Variants in BLTP1 observed in about 807,000 individuals in gnomAD.
BLTP1 encodes the protein bridge-like lipid transfer protein family member 1, also known as fragile site-associated protein.
At chr4:122,161,371 T>C in the BLTP1 span, among the ~76,000 whole-genome samples, 2 of 152,054 alleles carry the variant, frequency 1.3e-5, no homozygotes, top group African/African-American at 4.8e-5. Flanking sequence ...TGAGAAATAC[T>C]GTAATGAGAT....
chr4:122,164,190 G>A, the BLTP1 span, among the ~76,000 whole-genome samples: 1 of 152,174 alleles, frequency 6.6e-6, no homozygotes, highest in Non-Finnish European at 1.5e-5. Context: ...CAGATGACTA[G>A]GTTAGAATTT....
the BLTP1 span, among the ~76,000 whole-genome samples, chr4:122,257,688 A>G: frequency 2.0e-5 from 3 of 152,182 alleles, no homozygotes; most frequent in Non-Finnish European, 4.4e-5. Context: ...TAATATAAGC[A>G]ATTTTAGATA....
At chr4:122,288,957 C>A in the BLTP1 span, 1 of 1,098,278 alleles carries the variant, frequency 9.1e-7, no homozygotes, top group East Asian at 2.8e-5. Flanking sequence ...TTTAACTTTT[C>A]TTCAATATAT....
At chr4:122,331,594 A>T in the BLTP1 span, 1 of 1,546,218 alleles carries the variant, frequency 6.5e-7, no homozygotes, top group Non-Finnish European at 8.7e-7. Flanking sequence ...TAGAAATACT[A>T]TTCATATATC....
At chr4:122,314,375 A>G in the BLTP1 span, among the ~76,000 whole-genome samples, 1 of 152,200 alleles carries the variant, frequency 6.6e-6, no homozygotes, top group African/African-American at 2.4e-5. Flanking sequence ...GTTTCTGAAC[A>G]AGAAGGCAAA....
At chr4:122,325,240 G>A in the BLTP1 span, 3 of 1,604,112 alleles carry the variant, frequency 1.9e-6, no homozygotes, top group Non-Finnish European at 2.6e-6. Context: ...TTCTCGAGTA[G>A]GAGAAACTGA....
At chr4:122,190,037 C>G in the BLTP1 span, 1 of 1,613,006 alleles carries the variant, frequency 6.2e-7, no homozygotes, top group Admixed American at 1.7e-5. Context: ...TGTGGTGATG[C>G]AGTCAAATGA....
the BLTP1 span, chr4:122,305,101 G>T: frequency 7.8e-7 from 1 of 1,277,038 alleles, no homozygotes; most frequent in Admixed American, 3.4e-5. Context: ...ATTTCCTAAA[G>T]TTTCTGATTA....
chr4:122,355,244 T>C, the BLTP1 span, among the ~76,000 whole-genome samples: 90 of 152,224 alleles, frequency 5.9e-4, 1 homozygote, highest in South Asian at 1.5e-3. Flanking sequence ...TTCTAAGACC[T>C]ATAAAAGGTC....
At chr4:122,239,553 C>A in the BLTP1 span, 39 of 1,609,552 alleles carry the variant, frequency 2.4e-5, no homozygotes, top group African/African-American at 5.1e-4. Flanking sequence ...CCCTGTGTCT[C>A]CTAATACTCA....
At chr4:122,165,001 G>T in the BLTP1 span, among the ~76,000 whole-genome samples, 2 of 152,168 alleles carry the variant, frequency 1.3e-5, no homozygotes, top group East Asian at 3.9e-4. Flanking sequence ...AAATACAAAC[G>T]TATGCACTGT....
chr4:122,275,491 C>T, the BLTP1 span, among the ~76,000 whole-genome samples: 57 of 152,208 alleles, frequency 3.7e-4, no homozygotes, highest in Non-Finnish European at 5.3e-4. Flanking sequence ...ACCATGGGTA[C>T]GTTACCTTCA....
the BLTP1 span, chr4:122,207,588 C>T: frequency 6.2e-7 from 1 of 1,601,248 alleles, no homozygotes; most frequent in Non-Finnish European, 8.5e-7. Flanking sequence ...TTTTTCTTTG[C>T]CTTTTACGGA....
chr4:122,212,899 A>C, the BLTP1 span, among the ~76,000 whole-genome samples: 1 of 78,604 alleles, frequency 1.3e-5, no homozygotes, highest in Admixed American at 1.8e-4. Flanking sequence ...CTATTAAAGC[A>C]AATTGTAAAA....
the BLTP1 span, among the ~76,000 whole-genome samples, chr4:122,360,598 C>A: frequency 1.1e-4 from 17 of 152,164 alleles, no homozygotes; most frequent in South Asian, 3.5e-3. Flanking sequence ...AAAATAAAAT[C>A]TCCATTATGC....
chr4:122,344,667 C>G, the BLTP1 span: 1 of 1,149,750 alleles, frequency 8.7e-7, no homozygotes, highest in Non-Finnish European at 1.2e-6. Context: ...GTTAAGCTTT[C>G]AGTGATAAGT....
chr4:122,176,116 G>C, the BLTP1 span, among the ~76,000 whole-genome samples: 6 of 151,844 alleles, frequency 4.0e-5, no homozygotes, highest in Admixed American at 6.6e-5. Flanking sequence ...AGCCTGGCCA[G>C]CATGATGAAA....
chr4:122,160,163 A>G, the BLTP1 span, among the ~76,000 whole-genome samples: 1 of 152,190 alleles, frequency 6.6e-6, no homozygotes. Context: ...GATTTTCCAC[A>G]TCTTCGGGAA....
the BLTP1 span, chr4:122,315,595 A>G: frequency 2.5e-6 from 4 of 1,613,932 alleles, no homozygotes; most frequent in South Asian, 1.1e-5. Flanking sequence ...CAGGAGAGGA[A>G]GACATAGATG....
Sources: gnomAD v4.1 joint callset for allele counts (sites outside exome capture counted in the v4.1 genomes callset) on GRCh38, gnomAD v4.1.1 for gene constraint, MANE v1.5 for transcripts, NCBI Gene and HGNC (gene_info 2026-07-23, HGNC 2026-07-21) for gene names.